Variants in KCNT2 observed in about 807,000 individuals in gnomAD.
KCNT2 encodes the protein potassium channel subfamily T member 2.
KCNT2 carries 67 observed loss-of-function variants against 153.8 expected under a neutral mutation model. The ratio of observed to expected loss-of-function variants is 0.44; its 90% CI spans 0.36 to 0.53. KCNT2 has a LOEUF of 0.53. Ranked by LOEUF, KCNT2 falls within the 20% of genes least tolerant of loss-of-function variation. KCNT2 has a pLI of 0.00. For missense variants in KCNT2, 975 were observed against 1,354.8 expected (o/e 0.72, Z 4.40); for synonymous variants, 500 against 458.8 (o/e 1.09, Z -1.15).
chr1:196,344,352 C>T (rs1665957214), intron 14 of KCNT2, among the ~76,000 whole-genome samples: 1 of 152,104 alleles, frequency 6.6e-6, no homozygotes, highest in African/African-American at 2.4e-5. Flanking sequence ...GCCCATTCTT[C>T]CATAATGTTA....
chr1:196,306,066 T>C (rs1303686837), intron 21 of KCNT2, among the ~76,000 whole-genome samples: 4 of 152,042 alleles, frequency 2.6e-5, no homozygotes, highest in Non-Finnish European at 5.9e-5. Context: ...GATACCACAA[T>C]AAATACTTTT....
intron 1 of KCNT2, among the ~76,000 whole-genome samples, chr1:196,590,081 G>C (rs1267016111): frequency 6.6e-6 from 1 of 151,952 alleles, no homozygotes; most frequent in Non-Finnish European, 1.5e-5. Flanking sequence ...AACTGCACTT[G>C]TATCCCTTAA....
rs558591710 is a variant in KCNT2, at chr1:196,262,855, A to G, written c.2911-4361T>C. 2.6e-5 allele frequency among the ~76,000 whole-genome samples: 4 copies of G among 152,192 alleles called. No homozygotes were observed. The South Asian group carries it at 6.2e-4, about 24-fold the overall frequency. On this transcript the variant is annotated intron_variant, in intron 25 of 27. Coordinates refer to ENST00000294725, the MANE Select transcript of KCNT2 (RefSeq NM_198503.5). ...AAATAAATAAGCTGTGTTTTCAACC[A>G]CCTCAGGAAAATATTTTATGACCTT...
intron 26 of KCNT2, among the ~76,000 whole-genome samples, chr1:196,252,525 C>A (rs1369201477): frequency 6.6e-6 from 1 of 151,680 alleles, no homozygotes; most frequent in Non-Finnish European, 1.5e-5. Context: ...CATTATACGT[C>A]AGTTTTTCCT....
chr1:196,570,377 T>C lies in KCNT2; in HGVS notation c.95+37838A>G, dbSNP rs569955291. On this transcript the variant is annotated intron_variant, in intron 1 of 27. Coordinates refer to ENST00000294725, the MANE Select transcript of KCNT2 (RefSeq NM_198503.5). Reference sequence around the variant, plus strand: ...CTGAGTAAACCTGACTTTAAAACAATTGGAAAAAACTGTATCACAATATAA... The same window carrying C: ...CTGAGTAAACCTGACTTTAAAACAACTGGAAAAAACTGTATCACAATATAA... Among the ~76,000 whole-genome samples, 64 of 152,084 alleles carry C rather than the reference T, an allele frequency of 4.2e-4. 1 individual carries two copies. The highest frequency in any genetic ancestry group is 1.4e-3 in the African/African-American group (60 of 41,524).
intron 1 of KCNT2, among the ~76,000 whole-genome samples, chr1:196,519,501 C>T (rs1653057846): frequency 6.6e-6 from 1 of 151,536 alleles, no homozygotes; most frequent in South Asian, 2.1e-4. Context: ...ATCACTGAAT[C>T]TGGGGGTTAA....
chr1:196,300,796 G>A (rs1354143282), intron 22 of KCNT2, among the ~76,000 whole-genome samples: 1 of 151,864 alleles, frequency 6.6e-6, no homozygotes, highest in Non-Finnish European at 1.5e-5. Context: ...TTTGTTACAG[G>A]GACCTCTGCC....
chr1:196,255,004 G>T (rs1656334424), intron 26 of KCNT2, among the ~76,000 whole-genome samples: 1 of 151,386 alleles, frequency 6.6e-6, no homozygotes, highest in African/African-American at 2.4e-5. Context: ...GTCCAAATCA[G>T]CTAGTACCTA....
intron 1 of KCNT2, among the ~76,000 whole-genome samples, chr1:196,533,327 G>T (rs1034749007): frequency 1.3e-5 from 2 of 151,978 alleles, no homozygotes; most frequent in African/African-American, 2.4e-5. Context: ...TACAAAAGGG[G>T]TAATTACAAT....
intron 26 of KCNT2, among the ~76,000 whole-genome samples, chr1:196,249,308 C>T (rs1017289945): frequency 1.3e-5 from 2 of 151,978 alleles, no homozygotes; most frequent in Non-Finnish European, 2.9e-5. Context: ...ATAGAATAGA[C>T]AGGCAAGAGA....
intron 1 of KCNT2, among the ~76,000 whole-genome samples, chr1:196,544,998 A>G (rs979651241): frequency 4.6e-5 from 7 of 152,094 alleles, no homozygotes; most frequent in African/African-American, 1.7e-4. Flanking sequence ...CTGGACAGGA[A>G]AAAAGGGGGA....
Position 196,469,016 on chromosome 1 carries a change from T to C in KCNT2, c.437A>G (p.Asn146Ser). ...LRIPFILEII[N>S]AVPFIISIFW... ...TACTGAGATAATGAAGGGAACTGCA[T>C]TAATTATTTCCAAGATGAAGGGTAT... The change falls in exon 6 of 28, where the codon AAT becomes AGT. Residue 146 changes from asparagine (N) to serine (S), a missense_variant. By Grantham distance (46) the Asn-to-Ser change is conservative. This residue lies in a region of KCNT2 where 140 missense variants were observed against 216.0 expected (regional missense o/e 0.65). Coordinates refer to ENST00000294725, the MANE Select transcript of KCNT2 (RefSeq NM_198503.5). The C allele has an allele frequency of 6.2e-7, 1 of 1,601,230 alleles. No individual in the cohort carries two copies. The highest frequency in any genetic ancestry group is 8.5e-7 in the Non-Finnish European group (1 of 1,171,050).
At chr1:196,335,378 C>T (rs1664921124) in intron 16 of KCNT2, among the ~76,000 whole-genome samples, 2 of 152,114 alleles carry the variant, frequency 1.3e-5, no homozygotes, top group Admixed American at 1.3e-4. Context: ...GTATAGCCTA[C>T]TGCTATATGG....
At chr1:196,292,634 G>A (rs1273436629) in intron 22 of KCNT2, among the ~76,000 whole-genome samples, 2 of 151,896 alleles carry the variant, frequency 1.3e-5, no homozygotes, top group Admixed American at 6.6e-5. Context: ...GTGAAACCCC[G>A]TCTCTACTGA....
rs140757054 is a variant in KCNT2, at chr1:196,399,854, G to A, written c.1186-1183C>T. On this transcript the variant is annotated intron_variant, in intron 12 of 27. Transcript: ENST00000294725. ...CTCCCTCGCTTCTTCAGCCATGTAAGGATGTTGCAAGAAGACAACAATCTA... is the reference window on the plus strand; with the variant it reads ...CTCCCTCGCTTCTTCAGCCATGTAAAGATGTTGCAAGAAGACAACAATCTA... 3.3e-5 allele frequency among the ~76,000 whole-genome samples: 5 copies of A among 151,920 alleles called. No homozygotes were observed. In the East Asian group the frequency reaches 5.9e-4, roughly 18 times the overall value.
At chr1:196,259,694 G>A (rs1656828247) in intron 25 of KCNT2, 1 of 151,946 alleles carries the variant, frequency 6.6e-6, no homozygotes, top group East Asian at 1.9e-4. Context: ...GGCAAGCTAT[G>A]AAATTCTCTC....
chr1:196,336,477 T>C (rs193189192), intron 16 of KCNT2, among the ~76,000 whole-genome samples: 1 of 152,306 alleles, frequency 6.6e-6, no homozygotes, highest in Non-Finnish European at 1.5e-5. Context: ...CCTATAATTA[T>C]ATACAATCTA....
At chr1:196,239,875 G>A (rs2102251367) in intron 26 of KCNT2, among the ~76,000 whole-genome samples, 1 of 152,064 alleles carries the variant, frequency 6.6e-6, no homozygotes, top group East Asian at 1.9e-4. Flanking sequence ...CAATAGGACT[G>A]GTGTCCACAT....
At chr1:196,531,674 A>T (rs1294300160) in intron 1 of KCNT2, among the ~76,000 whole-genome samples, 3 of 152,096 alleles carry the variant, frequency 2.0e-5, no homozygotes, top group Non-Finnish European at 4.4e-5. Context: ...GATACACGAT[A>T]TTATTGCTGA....
Sources: gnomAD v4.1 joint callset for allele counts (sites outside exome capture counted in the v4.1 genomes callset) on GRCh38, gnomAD v4.1.1 for gene constraint, gnomAD v4.1.1 regional missense constraint, MANE v1.5 for transcripts, NCBI Gene and HGNC (gene_info 2026-07-23, HGNC 2026-07-21) for gene names.